The following NEXN variants were observed in gnomAD, a reference collection of about 807,000 sequenced individuals.
The protein encoded by NEXN is nexilin.
In NEXN, 65 loss-of-function variants were observed where a neutral mutation model predicts 92.6. That is an observed-to-expected ratio of 0.70 (90% confidence interval 0.57 to 0.86). The LOEUF (loss-of-function observed/expected upper bound fraction) is 0.86, where lower values mean the gene tolerates loss of function less well. NEXN is among the 40% of genes least tolerant of loss of function. NEXN has a pLI of 0.00. For synonymous variants in NEXN, 254 were observed against 242.5 expected (o/e 1.05, Z -0.44); for missense variants, 778 against 771.1 (o/e 1.01, Z -0.11).
intron 1 of NEXN, among the ~76,000 whole-genome samples, chr1:77,913,432 C>T (rs1648738300): frequency 6.6e-6 from 1 of 151,052 alleles, no homozygotes; most frequent in Admixed American, 6.6e-5. Flanking sequence ...AAAAAATGGA[C>T]CAAACAAAGA....
In NEXN at chr1:77,917,974, T is replaced by G; in HGVS notation, c.234T>G (p.Leu78=). ...TAACCATCTAGATTAAAGAAATGCT[T>G]GCTTCTGATGATGAGGAAGATGTAT... ...NRRKQEIKEM[L]ASDDEEDVSS... is the part of the protein sequence containing the mutation. Residue 78 remains leucine (L), a synonymous_variant, in exon 4 of 13, where the codon CTT becomes CTG. Transcript: ENST00000334785. 1 of 1,612,748 alleles carries G rather than the reference T, an allele frequency of 6.2e-7. No individual in the cohort carries two copies. The highest frequency in any genetic ancestry group is 1.1e-5 in the South Asian group (1 of 91,024).
At chr1:77,890,270 C>T (rs1571052191) in intron 1 of NEXN, among the ~76,000 whole-genome samples, 1 of 152,260 alleles carries the variant, frequency 6.6e-6, no homozygotes, top group South Asian at 2.1e-4. Flanking sequence ...AGTTTATCTG[C>T]AATTCCCTTA....
chr1:77,921,675 C>T (rs1024077388), intron 5 of NEXN, among the ~76,000 whole-genome samples: 2 of 152,020 alleles, frequency 1.3e-5, no homozygotes, highest in Admixed American at 6.6e-5. Flanking sequence ...TTTGGGAGAC[C>T]GAGGCAGGTG....
At chr1:77,937,694 A>T (rs1263142356) in intron 11 of NEXN, among the ~76,000 whole-genome samples, 1 of 151,840 alleles carries the variant, frequency 6.6e-6, no homozygotes, top group Non-Finnish European at 1.5e-5. Context: ...ATCTCAAAAA[A>T]ATAAAAAATA....
intron 5 of NEXN, among the ~76,000 whole-genome samples, chr1:77,918,833 C>T (rs1408955): frequency 0.028 from 4,247 of 152,208 alleles, 97 homozygotes; most frequent in South Asian, 0.11. Flanking sequence ...TTCCTCACCC[C>T]GTCTACATTC....
intron 11 of NEXN, among the ~76,000 whole-genome samples, chr1:77,940,135 C>T (rs1368465686): frequency 6.6e-6 from 1 of 152,190 alleles, no homozygotes; most frequent in Non-Finnish European, 1.5e-5. Flanking sequence ...CATAACCTTA[C>T]CTAATCAAAG....
intron 1 of NEXN, among the ~76,000 whole-genome samples, chr1:77,913,558 C>A (rs1648745611): frequency 6.6e-6 from 1 of 151,552 alleles, no homozygotes; most frequent in Admixed American, 6.6e-5. Flanking sequence ...AATATATATT[C>A]AAGGAAATGC....
intron 1 of NEXN, among the ~76,000 whole-genome samples, chr1:77,912,718 T>C (rs114094692): frequency 0.015 from 2,273 of 152,284 alleles, 21 homozygotes; most frequent in Non-Finnish European, 0.018. Flanking sequence ...TTTCAACAAA[T>C]GGTGCTGGAA....
In NEXN at chr1:77,942,898, A is replaced by G. The variant is rs1360046314; in HGVS notation, c.*69A>G. The G allele has an allele frequency of 2.6e-6, 4 of 1,509,818 alleles. No homozygotes were observed. The highest frequency in any genetic ancestry group is 3.6e-6 in the Non-Finnish European group (4 of 1,112,350). 93.5% of individuals were successfully genotyped at this position (1,509,818 alleles called of 1,614,324 possible). On this transcript the variant is annotated 3_prime_UTR_variant, in exon 13 of 13. Transcript: ENST00000334785. ...AATCACTTTTCTTCTTCTCTTTTTT[A>G]GCTGATGACTACTAGCTCCCCTCCC...
chr1:77,927,166 T>C (rs1273420550), intron 8 of NEXN, among the ~76,000 whole-genome samples: 1 of 151,900 alleles, frequency 6.6e-6, no homozygotes, highest in African/African-American at 2.4e-5. Flanking sequence ...TCCCAGCTGC[T>C]TGGGAGGCTA....
rs377245906 is a variant in NEXN, at chr1:77,936,060, A to G, written c.1473+16A>G. The G allele has an allele frequency of 2.0e-6, 3 of 1,531,616 alleles. No individual in the cohort carries two copies. Among genetic ancestry groups the G allele is most frequent in the Non-Finnish European group, 2.7e-6 (3 of 1,106,358 alleles). The allele number at this position is 1,531,616 out of a possible 1,614,324, so 94.9% of individuals were successfully genotyped here. A position where few individuals can be genotyped will look rare whatever the true frequency, so the allele number is the denominator to read the frequency against. ...TTTTCATGAGGTATATTACCTTTAT[A>G]TTTAACATAGTTATGGTACAGTAAT... On this transcript the variant is annotated intron_variant, in intron 11 of 12. Transcript: ENST00000334785.
intron 1 of NEXN, among the ~76,000 whole-genome samples, chr1:77,915,298 G>A (rs1185621257): frequency 6.6e-6 from 1 of 152,112 alleles, no homozygotes; most frequent in Admixed American, 6.6e-5. Flanking sequence ...GGGTGACACA[G>A]CGAGATGCTG....
Position 77,926,615 on chromosome 1 carries a change from A to T in NEXN, c.687+4A>T, listed in dbSNP as rs754061340. 5.3e-5 allele frequency: 85 copies of T among 1,613,786 alleles called. No homozygotes were observed. The highest frequency in any genetic ancestry group is 1.3e-4 in the Admixed American group (8 of 59,994). Reference sequence around the variant, plus strand: ...AAAGTGTCTTTCATTAGTTATGGTAAATTTTTGTTTGTTTGTTTTCTAAGA... The same window carrying T: ...AAAGTGTCTTTCATTAGTTATGGTATATTTTTGTTTGTTTGTTTTCTAAGA... On this transcript the variant is annotated splice_donor_region_variant and intron_variant, in intron 7 of 12. Coordinates refer to ENST00000334785, the MANE Select transcript of NEXN (RefSeq NM_144573.4).
chr1:77,907,504 G>A (rs774498100), intron 1 of NEXN, among the ~76,000 whole-genome samples: 5 of 152,142 alleles, frequency 3.3e-5, no homozygotes, highest in Non-Finnish European at 7.4e-5. Flanking sequence ...TCAAAAGGCA[G>A]AACAGAGCAA....
intron 8 of NEXN, among the ~76,000 whole-genome samples, chr1:77,927,602 C>CTG (rs1169419339): frequency 1.4e-3 from 203 of 144,734 alleles, no homozygotes; most frequent in African/African-American, 3.1e-3. Context: ...GTGTGTGTGT[C>CTG]TGTGTGTGTG....
chr1:77,937,805 T>C (rs992634013), intron 11 of NEXN, among the ~76,000 whole-genome samples: 1 of 152,244 alleles, frequency 6.6e-6, no homozygotes, highest in Non-Finnish European at 1.5e-5. Flanking sequence ...ATATAGTGTT[T>C]AGAATCTAAT....
intron 11 of NEXN, among the ~76,000 whole-genome samples, chr1:77,939,284 G>A (rs1297686946): frequency 6.6e-6 from 1 of 152,182 alleles, no homozygotes; most frequent in Admixed American, 6.5e-5. Context: ...AAGTTTGAGT[G>A]ATATTTGGAT....
intron 5 of NEXN, among the ~76,000 whole-genome samples, chr1:77,924,664 TTTC>T (rs1427912177): frequency 3.5e-5 from 1 of 28,800 alleles, no homozygotes; most frequent in East Asian, 1.3e-3. Context: ...TCTGTTTTTT[TTTC>T]TTTTTTTCTT....
At chr1:77,922,049 T>C (rs1173098285) in intron 5 of NEXN, among the ~76,000 whole-genome samples, 1 of 151,998 alleles carries the variant, frequency 6.6e-6, no homozygotes, top group Non-Finnish European at 1.5e-5. Flanking sequence ...AATACAGGCA[T>C]GAACCACCAT....
Sources: allele counts gnomAD v4.1 joint callset (sites outside exome capture counted in the v4.1 genomes callset), GRCh38; gene constraint gnomAD v4.1.1; transcripts MANE v1.5; gene names NCBI Gene and HGNC (gene_info 2026-07-23, HGNC 2026-07-21).